Variants in REEP1 observed in about 807,000 individuals in gnomAD.
REEP1 encodes receptor expression-enhancing protein 1.
A neutral mutation model predicts 40.3 loss-of-function variants in REEP1; 22 were observed. The ratio of observed to expected loss-of-function variants is 0.55; its 90% confidence interval spans 0.39 to 0.78. The LOEUF (loss-of-function observed/expected upper bound fraction) is 0.78. Among genes scored for constraint, REEP1 ranks in the 30% least tolerant of loss-of-function variants. REEP1 has a pLI of 0.00. For synonymous variants in REEP1, 116 were observed against 139.2 expected, an observed-to-expected ratio of 0.83 and a Z score of 1.17; for missense variants, 280 against 361.1, an observed-to-expected ratio of 0.78 and a Z score of 1.82.
At chr2:86,332,560 C>T (rs1172727535) in intron 1 of REEP1, among the ~76,000 whole-genome samples, 1 of 152,062 alleles carries the variant, frequency 6.6e-6, no homozygotes, top group Non-Finnish European at 1.5e-5. Context: ...CCCTCATTCT[C>T]CCCAGGGCTC....
At chr2:86,282,812 T>C (rs1272252607) in intron 1 of REEP1, among the ~76,000 whole-genome samples, 2 of 152,216 alleles carry the variant, frequency 1.3e-5, no homozygotes, top group South Asian at 2.1e-4. Flanking sequence ...ATACCAGCAA[T>C]GTGACACTGT....
In REEP1 at chr2:86,337,468, A is replaced by T; in HGVS notation, c.32+11T>A. On this transcript the variant is annotated intron_variant, in intron 1 of 8. Coordinates refer to ENST00000538924, the MANE Select transcript of REEP1 (RefSeq NM_001371279.1). This position sits in a 1 kb window ranked among gnomAD's most constrained non-coding sequence, Gnocchi z 5.8. ...AGGGGACGGAGGGGCGCGGGGGAGA[A>T]GGCCACTTACACCACCAGCCTGGAG... is the stretch of plus-strand genomic sequence containing the variant. 1 of 1,279,518 alleles carries T rather than the reference A, an allele frequency of 7.8e-7. No individual in the cohort carries two copies. The highest frequency in any genetic ancestry group is 3.6e-5 in the Admixed American group (1 of 28,014). 79.3% of individuals were successfully genotyped at this position (1,279,518 alleles called of 1,614,324 possible). A position where few individuals can be genotyped will look rare whatever the true frequency, so the allele number is the denominator to read the frequency against.
intron 1 of REEP1, among the ~76,000 whole-genome samples, chr2:86,324,591 C>A (rs1680417550): frequency 6.6e-6 from 1 of 152,100 alleles, no homozygotes. Flanking sequence ...GGAGCACTTG[C>A]CAAGCCGGAC....
chr2:86,289,963 A>C (rs1419272275), intron 1 of REEP1, among the ~76,000 whole-genome samples: 3 of 152,264 alleles, frequency 2.0e-5, no homozygotes, highest in Middle Eastern at 6.8e-3. Flanking sequence ...TCAAAGGGTG[A>C]CATGTGTTAA....
At position 86,226,470 on chromosome 2, in the gene REEP1, T is replaced by C. The variant is rs111391587; in HGVS notation, c.631+893A>G. On this transcript the variant is annotated intron_variant, in intron 7 of 8. Transcript: ENST00000538924. ...ACCCTGTTGTGGCTTTTTCTTTTCTTTTTTTTTTTTTTTTTTTGAGACAGG... is the reference window on the plus strand; with the variant it reads ...ACCCTGTTGTGGCTTTTTCTTTTCTCTTTTTTTTTTTTTTTTTGAGACAGG... Among the ~76,000 whole-genome samples the C allele has an allele frequency of 6.8e-3, 470 of 69,450 alleles. 12 individuals are homozygous for C. Among genetic ancestry groups the C allele is most frequent in the Middle Eastern group, 0.011 (1 of 94 alleles). The allele number at this position is 69,450 out of a possible 152,430, so 45.6% of individuals were successfully genotyped here.
chr2:86,234,425 G>A (rs755878922), intron 5 of REEP1, among the ~76,000 whole-genome samples: 1 of 152,140 alleles, frequency 6.6e-6, no homozygotes, highest in Non-Finnish European at 1.5e-5. Flanking sequence ...CACTGAGGTG[G>A]GAGGACCGCC....
At chr2:86,328,870 G>A (rs945128829) in intron 1 of REEP1, among the ~76,000 whole-genome samples, 2 of 152,312 alleles carry the variant, frequency 1.3e-5, no homozygotes, top group Admixed American at 1.3e-4. Flanking sequence ...GTCTAGGGGT[G>A]TGTTACAATT....
chr2:86,338,075 A>G (rs1441161787), upstream of REEP1: 26 of 1,537,120 alleles, frequency 1.7e-5, no homozygotes, highest in Non-Finnish European at 2.1e-5. Flanking sequence ...CACTTTCTGC[A>G]TAAGAAACAA....
intron 1 of REEP1, among the ~76,000 whole-genome samples, chr2:86,319,873 T>C (rs547812759): frequency 1.3e-5 from 2 of 151,906 alleles, no homozygotes; most frequent in African/African-American, 4.8e-5. Flanking sequence ...GAGGCAGAGA[T>C]TAAAGTGACG....
chr2:86,309,364 C>T (rs1679652782), intron 1 of REEP1, among the ~76,000 whole-genome samples: 1 of 152,254 alleles, frequency 6.6e-6, no homozygotes, highest in Non-Finnish European at 1.5e-5. Flanking sequence ...GGCTTACAGC[C>T]ACTCTCAGGA....
chr2:86,296,011 T>C (rs1308402567), intron 1 of REEP1, among the ~76,000 whole-genome samples: 1 of 148,812 alleles, frequency 6.7e-6, no homozygotes, highest in Non-Finnish European at 1.5e-5. Flanking sequence ...GCTCTGAGCA[T>C]GGAAATGTAA....
chr2:86,288,434 G>A (rs923371152), intron 1 of REEP1, among the ~76,000 whole-genome samples: 4 of 152,202 alleles, frequency 2.6e-5, no homozygotes, highest in Non-Finnish European at 5.9e-5. Flanking sequence ...GGGATTACAG[G>A]TATGTGCCAC....
chr2:86,277,575 C>G (rs1287933921), intron 2 of REEP1, among the ~76,000 whole-genome samples: 3 of 144,820 alleles, frequency 2.1e-5, no homozygotes, highest in Non-Finnish European at 4.6e-5. Flanking sequence ...AAAAAAAAGT[C>G]AATGGGTCAT....
At chr2:86,281,952 C>T (rs183331212) in intron 2 of REEP1, among the ~76,000 whole-genome samples, 8 of 152,276 alleles carry the variant, frequency 5.3e-5, no homozygotes, top group South Asian at 4.1e-4. Context: ...AGCCTCTTGC[C>T]GTATCTCCCT....
chr2:86,314,272 A>G (rs1268880897), intron 1 of REEP1, among the ~76,000 whole-genome samples: 1 of 152,156 alleles, frequency 6.6e-6, no homozygotes, highest in Non-Finnish European at 1.5e-5. Context: ...CCTGGCTGTC[A>G]GCTGAGAAAT....
chr2:86,327,180 T>G (rs750207551), intron 1 of REEP1, among the ~76,000 whole-genome samples: 10 of 152,218 alleles, frequency 6.6e-5, no homozygotes, highest in Non-Finnish European at 1.2e-4. Context: ...ATTTTTTACT[T>G]CCAGAAGTGC....
At chr2:86,222,931 G>C (rs1174011653) in intron 7 of REEP1, among the ~76,000 whole-genome samples, 3 of 152,164 alleles carry the variant, frequency 2.0e-5, no homozygotes, top group African/African-American at 7.2e-5. Flanking sequence ...TCTAAAGATT[G>C]GTGACCCAAC....
intron 5 of REEP1, among the ~76,000 whole-genome samples, chr2:86,248,526 C>A (rs544617608): frequency 3.3e-5 from 5 of 152,206 alleles, no homozygotes; most frequent in African/African-American, 9.6e-5. Flanking sequence ...TGGTTCACTG[C>A]AGTTTCTACC....
intron 1 of REEP1, among the ~76,000 whole-genome samples, chr2:86,313,558 T>A (rs968270717): frequency 5.9e-5 from 9 of 152,204 alleles, no homozygotes; most frequent in African/African-American, 2.2e-4. Flanking sequence ...CACAGAGCTG[T>A]TAAATGGCAG....
Sources: allele counts gnomAD v4.1 joint callset (sites outside exome capture counted in the v4.1 genomes callset), GRCh38; gene constraint gnomAD v4.1.1; non-coding constraint Gnocchi (gnomAD v3.1); transcripts MANE v1.5; gene names NCBI Gene and HGNC (gene_info 2026-07-23, HGNC 2026-07-21).